SPTBN4: variants seen among roughly 807,000 people sequenced by gnomAD.
SPTBN4 encodes the protein spectrin beta chain, non-erythrocytic 4.
Under a neutral mutation model 277.8 loss-of-function variants are expected in SPTBN4, and 96 were observed. The observed-to-expected ratio is 0.35, with a 90% CI of 0.29 to 0.41. SPTBN4 has a LOEUF of 0.41. Ranked by LOEUF, SPTBN4 falls within the 10% of genes least tolerant of loss-of-function variation. SPTBN4 has a pLI of 1.00. For missense variants in SPTBN4, 3,006 were observed against 3,595.7 expected (o/e 0.84, Z 4.19); for synonymous variants, 1,481 against 1,580.3 (o/e 0.94, Z 1.49).
Position 40,515,437 on chromosome 19 carries a change from C to A in SPTBN4, c.2892C>A (p.His964Gln). ...ATGAGGTGCGTTCCTGCCAGGACCA[C>A]CTCAACAGCAGGTAGGAGGGCCTGG... The part of the protein sequence containing the change: ...SSDEVRSCQD[H>Q]LNSRWNRIVE... The change falls in exon 15 of 36, where the codon CAC becomes CAA. Residue 964 changes from histidine (H) to glutamine (Q), a missense_variant. His to Gln is a conservative substitution (Grantham distance 24). Transcript: ENST00000598249. This position sits in a 1 kb window ranked among gnomAD's most constrained non-coding sequence, Gnocchi z 4.1. The A allele has an allele frequency of 6.4e-7, 1 of 1,561,992 alleles. No homozygotes were observed. Among genetic ancestry groups the A allele is most frequent in the South Asian group, 1.2e-5 (1 of 84,662 alleles).
Position 40,567,477 on chromosome 19 carries a change from C to T in SPTBN4, c.6337-186C>T, listed in dbSNP as rs73051846. Among the ~76,000 whole-genome samples, 5,763 of 152,102 alleles carry T rather than the reference C, an allele frequency of 0.038. 162 individuals carry two copies. Among genetic ancestry groups the T allele is most frequent in the Non-Finnish European group, 0.059 (4,009 of 67,980 alleles). On this transcript the variant is annotated intron_variant, in intron 30 of 35. Transcript: ENST00000598249. ...TCTTAAAAGAGCAATAGGTGTTTGC[C>T]GGAGAGAATAGGCTTTAAGTTCTTG...
chr19:40,502,698 G>A lies in SPTBN4; in HGVS notation c.1204-77G>A. The A allele has an allele frequency of 6.4e-7, 1 of 1,556,680 alleles. No homozygotes were observed. Among genetic ancestry groups the A allele is most frequent in the Non-Finnish European group, 8.7e-7 (1 of 1,151,414 alleles). ...GCATGAAGTTGCCATAATGCTATGAGTGACCTCAGACTAAGTCAAGACCAT... is the reference window on the plus strand; with the variant it reads ...GCATGAAGTTGCCATAATGCTATGAATGACCTCAGACTAAGTCAAGACCAT... On this transcript the variant is annotated intron_variant, in intron 10 of 35. Transcript: ENST00000598249. This position sits in a 1 kb window ranked among gnomAD's most constrained non-coding sequence, Gnocchi z 4.9.
intron 6 of SPTBN4, 127 bp downstream of exon 6, chr19:40,495,104 A>G (rs2080181346): frequency 5.0e-6 from 4 of 799,778 alleles, no homozygotes; most frequent in Non-Finnish European, 6.0e-6. Context: ...TCACCTCTAC[A>G]CACACATACA....
At chr19:40,473,336 C>G (rs1357333666) in intron 2 of SPTBN4, among the ~76,000 whole-genome samples, 1 of 150,200 alleles carries the variant, frequency 6.7e-6, no homozygotes, top group African/African-American at 2.5e-5. Flanking sequence ...AGGCATGAGC[C>G]ACTGCACCTG....
At position 40,513,304 on chromosome 19, in the gene SPTBN4, C is replaced by T; in HGVS notation, c.2515C>T (p.Leu839Phe). 2 of 1,560,998 alleles carry T rather than the reference C, an allele frequency of 1.3e-6. No homozygotes were observed. Among genetic ancestry groups the T allele is most frequent in the Non-Finnish European group, 1.7e-6 (2 of 1,156,722 alleles). ...VSGLRRQLAT[L>F]GGASGAGPLV... is the part of the protein sequence containing the mutation. The stretch of plus-strand genomic sequence containing the variant: ...CGGCCTGCGGCGCCAGCTGGCGACA[C>T]TCGGGGGTGCCAGTGGCGCAGGGCC... Residue 839 changes from leucine (L) to phenylalanine (F), a missense_variant, in exon 14 of 36, where the codon CTC becomes TTC. Transcript: ENST00000598249.
At chr19:40,513,695 G>C in intron 14 of SPTBN4, 141 bp downstream of exon 14, 1 of 910,434 alleles carries the variant, frequency 1.1e-6, no homozygotes, top group Non-Finnish European at 1.6e-6. Flanking sequence ...CTTTGTGACA[G>C]TTCTGCAACC....
chr19:40,550,083 G>GAA (rs111998273), intron 21 of SPTBN4, among the ~76,000 whole-genome samples, 155 bp from the exon 22 acceptor site: 4 of 135,824 alleles, frequency 2.9e-5, no homozygotes, highest in Admixed American at 2.9e-4. Flanking sequence ...CCATCTCAAA[G>GAA]AAAAAAAAAA....
At position 40,567,863 on chromosome 19, in the gene SPTBN4, G is replaced by A; in HGVS notation, c.6537G>A (p.Val2179=). 6.6e-7 allele frequency: 1 copy of A among 1,525,918 alleles called. No homozygotes were observed. Among genetic ancestry groups the A allele is most frequent in the Non-Finnish European group, 8.8e-7 (1 of 1,138,364 alleles). 94.5% of individuals were successfully genotyped at this position (1,525,918 alleles called of 1,614,324 possible). The change falls in exon 31 of 36, where the codon GTG becomes GTA. Residue 2179 remains valine (V), a synonymous_variant. Transcript: ENST00000598249. The stretch of plus-strand genomic sequence containing the variant: ...AGGTGCGGACTCGGGTGGGGTATGT[G>A]CGCCAGGAGCTCAAGCCCGAGCGCC... ...SAEVRTRVGY[V]RQELKPERLQ...
chr19:40,493,040 G>A lies in SPTBN4; in HGVS notation c.573G>A (p.Gln191=). ...AGGATGCTCTGCTCTTGTGGTGTCA[G>A]ATGAAGACAGCTGGGTAAGCACCCC... ...SAKDALLLWC[Q]MKTAGYPEVN... Residue 191 remains glutamine, a synonymous_variant, in exon 5 of 36, where the codon CAG becomes CAA. Coordinates refer to ENST00000598249, the MANE Select transcript of SPTBN4 (RefSeq NM_020971.3). 6.2e-7 allele frequency: 1 copy of A among 1,614,132 alleles called. No individual in the cohort carries two copies. Among genetic ancestry groups the A allele is most frequent in the Admixed American group, 1.7e-5 (1 of 60,022 alleles).
At chr19:40,497,278 C>A (rs2080210315) in intron 6 of SPTBN4, among the ~76,000 whole-genome samples, 2 of 152,294 alleles carry the variant, frequency 1.3e-5, no homozygotes. Context: ...CATGCACACA[C>A]ACATTCCCGG....
chr19:40,557,520 G>A (rs2080995444), intron 26 of SPTBN4, 117 bp downstream of exon 26: 7 of 1,270,952 alleles, frequency 5.5e-6, no homozygotes, highest in Non-Finnish European at 6.4e-6. Flanking sequence ...CAGACAGAAA[G>A]CGGACTACAG....
chr19:40,523,626 C>T lies in SPTBN4; in HGVS notation c.3844C>T (p.Arg1282Trp), dbSNP rs151004868. ...YGEQAQEAVT[R>W]LLEKNQENQL... ...GGAGCAGGCTCAGGAGGCTGTGACC[C>T]GGCTGCTGGAGAAGTAGGTCCCCTA... is the stretch of plus-strand genomic sequence containing the variant. Residue 1282 changes from arginine (R) to tryptophan (W), a missense_variant, in exon 17 of 36, where the codon CGG becomes TGG. This residue lies in a region of SPTBN4 where 1,759 missense variants were observed against 2,061.5 expected (regional missense o/e 0.85). Transcript: ENST00000598249. The T allele has an allele frequency of 1.8e-5, 29 of 1,611,184 alleles. No individual in the cohort carries two copies. The highest frequency in any genetic ancestry group is 4.5e-5 in the East Asian group (2 of 44,834).
chr19:40,558,433 G>T (rs1015153059), intron 26 of SPTBN4, among the ~76,000 whole-genome samples: 1 of 151,974 alleles, frequency 6.6e-6, no homozygotes, highest in Non-Finnish European at 1.5e-5. Flanking sequence ...TGATGGGGGC[G>T]AATTTAATGA....
intron 4 of SPTBN4, among the ~76,000 whole-genome samples, chr19:40,492,052 A>G (rs1167085020): frequency 1.3e-5 from 2 of 151,674 alleles, no homozygotes; most frequent in Non-Finnish European, 2.9e-5. Flanking sequence ...AAAAAAAAAA[A>G]CAAAGAAAGA....
intron 22 of SPTBN4, 138 bp downstream of exon 22, chr19:40,550,465 A>G: frequency 2.9e-6 from 2 of 692,836 alleles, no homozygotes; most frequent in Non-Finnish European, 4.7e-6. Context: ...ATACAGATGT[A>G]TCCAGGTGCT....
Position 40,575,447 on chromosome 19 carries a change from T to TCGGTGG in SPTBN4, c.7577_7582dup (p.Val2526_Ala2527dup). 1 of 1,613,364 alleles carries TCGGTGG rather than the reference T, an allele frequency of 6.2e-7. No homozygotes were observed. Among genetic ancestry groups the TCGGTGG allele is most frequent in the Non-Finnish European group, 8.5e-7 (1 of 1,179,858 alleles). On this transcript the variant is annotated inframe_insertion, in exon 36 of 36. Coordinates refer to ENST00000598249, the MANE Select transcript of SPTBN4 (RefSeq NM_020971.3). ...CGGCTGGCTGGAGGCTGTAGCTTCC[T>TCGGTGG]CGGTGGCGGAACACGCAGAGATCGC...
At chr19:40,556,995 T>TGGCC in intron 25 of SPTBN4, 28 bp from the exon 26 acceptor site, 1 of 1,484,792 alleles carries the variant, frequency 6.7e-7, no homozygotes, top group Non-Finnish European at 9.0e-7. Flanking sequence ...CACTTTGCTG[T>TGGCC]ACCCCCCCCC....
At chr19:40,541,164 T>C (rs1182960014) in intron 20 of SPTBN4, among the ~76,000 whole-genome samples, 1 of 152,034 alleles carries the variant, frequency 6.6e-6, no homozygotes, top group Non-Finnish European at 1.5e-5. Context: ...GAGGAAGGAG[T>C]TGGGGCCTCC....
At chr19:40,524,782 A>G (rs2080570854) in intron 17 of SPTBN4, among the ~76,000 whole-genome samples, 1 of 152,018 alleles carries the variant, frequency 6.6e-6, no homozygotes, top group Non-Finnish European at 1.5e-5. Flanking sequence ...CTTGAACCTC[A>G]TTGTTCTCTG....
Sources: gnomAD v4.1 joint callset for allele counts (sites outside exome capture counted in the v4.1 genomes callset) on GRCh38, gnomAD v4.1.1 for gene constraint, gnomAD v4.1.1 regional missense constraint, Gnocchi (gnomAD v3.1) non-coding constraint, MANE v1.5 for transcripts, NCBI Gene and HGNC (gene_info 2026-07-23, HGNC 2026-07-21) for gene names.